The following ASTN2 variants were observed in gnomAD, a reference collection of about 807,000 sequenced individuals.
ASTN2 encodes the protein astrotactin 2.
A neutral mutation model predicts 139.8 loss-of-function variants in ASTN2; 54 were observed. That is an observed-to-expected ratio of 0.39 (90% CI 0.31 to 0.48). The LOEUF (loss-of-function observed/expected upper bound fraction) is 0.48, where lower values mean the gene tolerates loss of function less well. Among genes scored for constraint, ASTN2 ranks in the 20% least tolerant of loss-of-function variants. ASTN2 has a pLI of 0.95. For synonymous variants in ASTN2, 756 were observed against 719.5 expected, an observed-to-expected ratio of 1.05 and a Z score of -0.81; for missense variants, 1,565 against 1,725.1, an observed-to-expected ratio of 0.91 and a Z score of 1.64.
chr9:116,457,130 G>A (rs776508377), intron 20 of ASTN2, among the ~76,000 whole-genome samples: 2 of 152,190 alleles, frequency 1.3e-5, no homozygotes, highest in African/African-American at 2.4e-5. Context: ...AAATGGTGCT[G>A]AGAAAACTGG....
chr9:116,503,160 A>T (rs937860888), intron 19 of ASTN2, among the ~76,000 whole-genome samples: 1 of 150,594 alleles, frequency 6.6e-6, no homozygotes, highest in Admixed American at 6.6e-5. Context: ...AAGAAAGGAG[A>T]AAGGAAGGAA....
intron 20 of ASTN2, among the ~76,000 whole-genome samples, chr9:116,445,863 A>C (rs1207622637): frequency 6.6e-6 from 1 of 152,200 alleles, no homozygotes; most frequent in African/African-American, 2.4e-5. Flanking sequence ...CAAACATGCC[A>C]GTGGGGGCCT....
At chr9:117,009,787 G>T (rs535511723) in intron 6 of ASTN2, among the ~76,000 whole-genome samples, 1 of 152,300 alleles carries the variant, frequency 6.6e-6, no homozygotes, top group South Asian at 2.1e-4. Flanking sequence ...CTATCTGTCA[G>T]GTCACATCTT....
chr9:116,705,713 A>AGAT (rs71502077), intron 16 of ASTN2, among the ~76,000 whole-genome samples: 93,034 of 151,650 alleles, frequency 0.61, 29,420 homozygotes, highest in Non-Finnish European at 0.69. Context: ...CTGGCTGCAG[A>AGAT]GATAAGGTAT....
At chr9:116,985,578 A>G (rs2132542258) in intron 7 of ASTN2, among the ~76,000 whole-genome samples, 1 of 152,292 alleles carries the variant, frequency 6.6e-6, no homozygotes. Context: ...TGAGTGCACC[A>G]CAGACATGAT....
intron 13 of ASTN2, among the ~76,000 whole-genome samples, chr9:116,758,479 G>T (rs1249655020): frequency 6.6e-6 from 1 of 152,140 alleles, no homozygotes; most frequent in Non-Finnish European, 1.5e-5. Flanking sequence ...AGGCTAAGAA[G>T]TAAGGTCCAG....
intron 19 of ASTN2, among the ~76,000 whole-genome samples, chr9:116,502,226 A>G (rs1849885391): frequency 6.6e-6 from 1 of 151,962 alleles, no homozygotes; most frequent in African/African-American, 2.4e-5. Context: ...AGAGAGACAT[A>G]GAGACACACA....
chr9:116,456,485 T>C (rs1364179826), intron 20 of ASTN2, among the ~76,000 whole-genome samples: 2 of 152,134 alleles, frequency 1.3e-5, no homozygotes, highest in Non-Finnish European at 1.5e-5. Context: ...TATTAGTCCA[T>C]TTTCATGCTG....
At chr9:117,003,953 C>CGCGCGCGCGCGCGCGCGCGCGTGTGTGT (rs1218309835) in intron 7 of ASTN2, among the ~76,000 whole-genome samples, 1 of 146,226 alleles carries the variant, frequency 6.8e-6, no homozygotes, top group African/African-American at 2.6e-5. Context: ...CGCGCGCGCG[C>CGCGCGCGCGCGCGCGCGCGCGTGTGTGT]GTGTGTGTGT....
At chr9:116,894,283 T>C (rs77410368) in intron 10 of ASTN2, among the ~76,000 whole-genome samples, 2 of 152,232 alleles carry the variant, frequency 1.3e-5, no homozygotes, top group East Asian at 3.9e-4. Flanking sequence ...TAATTGATAT[T>C]TCATGGTGAC....
At chr9:117,100,892 G>C (rs553463665) in intron 4 of ASTN2, among the ~76,000 whole-genome samples, 24 of 152,286 alleles carry the variant, frequency 1.6e-4, no homozygotes, top group African/African-American at 5.1e-4. Context: ...GACTTCAGTA[G>C]AAATAAATTA....
At chr9:116,440,933 C>G in intron 21 of ASTN2, 141 bp from the exon 22 acceptor site, 2 of 784,442 alleles carry the variant, frequency 2.5e-6, no homozygotes, top group Non-Finnish European at 4.0e-6. Context: ...TTAATTTCAT[C>G]TTGAATATGT....
chr9:116,854,873 C>T (rs1218707736), intron 11 of ASTN2, among the ~76,000 whole-genome samples: 7 of 151,844 alleles, frequency 4.6e-5, no homozygotes, highest in African/African-American at 1.5e-4. Context: ...AGGATGGTCT[C>T]GAACTCCTGA....
chr9:117,365,335 AAG>A (rs796088723), intron 1 of ASTN2, among the ~76,000 whole-genome samples: 58 of 151,156 alleles, frequency 3.8e-4, no homozygotes, highest in Admixed American at 6.6e-4. Flanking sequence ...GAAAGAAAGA[AAG>A]AGAGAAAAGA....
intron 3 of ASTN2, among the ~76,000 whole-genome samples, chr9:117,205,569 GA>G (rs528199399): frequency 0.014 from 2,128 of 150,060 alleles, 48 homozygotes; most frequent in African/African-American, 0.048. Flanking sequence ...TTCTAGGATT[GA>G]AAAAAAAACC....
intron 13 of ASTN2, among the ~76,000 whole-genome samples, chr9:116,738,437 G>A (rs887102797): frequency 2.0e-5 from 3 of 151,588 alleles, no homozygotes; most frequent in African/African-American, 7.3e-5. Flanking sequence ...GGAGGCGGAG[G>A]TTGCAGTGAG....
chr9:117,329,146 A>T (rs1030787327), intron 1 of ASTN2, among the ~76,000 whole-genome samples: 3 of 148,946 alleles, frequency 2.0e-5, no homozygotes, highest in Admixed American at 6.7e-5. Context: ...ACCTTCTTCC[A>T]GGCCAAGCAG....
At chr9:116,865,363 C>T (rs1051627341) in intron 10 of ASTN2, among the ~76,000 whole-genome samples, 2 of 140,236 alleles carry the variant, frequency 1.4e-5, no homozygotes, top group African/African-American at 5.3e-5. Context: ...CCCAGCTACT[C>T]GGGAGGCTGA....
intron 1 of ASTN2, among the ~76,000 whole-genome samples, chr9:117,304,608 A>C (rs1015577189): frequency 6.6e-6 from 1 of 152,186 alleles, no homozygotes; most frequent in African/African-American, 2.4e-5. Flanking sequence ...GATTGGCTTC[A>C]ACAGTACTGC....
Sources: gnomAD v4.1 joint callset for allele counts (sites outside exome capture counted in the v4.1 genomes callset) on GRCh38, gnomAD v4.1.1 for gene constraint, MANE v1.5 for transcripts, NCBI Gene and HGNC (gene_info 2026-07-23, HGNC 2026-07-21) for gene names.